Variants in DEUP1 observed in about 807,000 individuals in gnomAD.
DEUP1 encodes the protein deuterosome assembly protein 1, also known as coiled-coil domain containing 67.
A neutral mutation model predicts 87.4 loss-of-function variants in DEUP1; 82 were observed. That is an observed-to-expected ratio of 0.94 (90% CI 0.78 to 1.13). DEUP1 has a LOEUF of 1.13. DEUP1 is among the 50% of genes most tolerant of loss of function. DEUP1 has a pLI of 0.00. For synonymous variants in DEUP1, 214 were observed against 222.7 expected (o/e 0.96, Z 0.35); for missense variants, 663 against 681.5 (o/e 0.97, Z 0.30).
In DEUP1 at chr11:93,394,444, C is replaced by T; in HGVS notation, c.1042-15C>T. 2 of 1,519,026 alleles carry T rather than the reference C, an allele frequency of 1.3e-6. No individual in the cohort carries two copies. The highest frequency in any genetic ancestry group is 1.8e-6 in the Non-Finnish European group (2 of 1,134,994). 94.1% of individuals were successfully genotyped at this position (1,519,026 alleles called of 1,614,324 possible). On this transcript the variant is annotated splice_polypyrimidine_tract_variant and intron_variant, in intron 9 of 13. Coordinates refer to ENST00000298050, the MANE Select transcript of DEUP1 (RefSeq NM_181645.4). ...AAAAGGATTCAATAATATTTCCAGT[C>T]TCTATCTGCTGCAGATAAGAAGCCA...
At chr11:93,393,516 C>T (rs1053794864) in intron 9 of DEUP1, among the ~76,000 whole-genome samples, 4 of 152,004 alleles carry the variant, frequency 2.6e-5, no homozygotes, top group African/African-American at 9.7e-5. Flanking sequence ...TTCATTCATC[C>T]TTCAGTTTTG....
At chr11:93,377,369 C>G (rs1325089188) in intron 7 of DEUP1, among the ~76,000 whole-genome samples, 1 of 152,044 alleles carries the variant, frequency 6.6e-6, no homozygotes, top group Non-Finnish European at 1.5e-5. Flanking sequence ...TATATAATGT[C>G]CCTTTTTGCC....
Position 93,355,554 on chromosome 11 carries a change from A to C in DEUP1, c.201+12A>C, listed in dbSNP as rs753756340. 3 of 1,595,958 alleles carry C rather than the reference A, an allele frequency of 1.9e-6. No individual in the cohort carries two copies. Among genetic ancestry groups the C allele is most frequent in the South Asian group, 2.2e-5 (2 of 89,058 alleles). On this transcript the variant is annotated intron_variant, in intron 3 of 13. Coordinates refer to ENST00000298050, the MANE Select transcript of DEUP1 (RefSeq NM_181645.4). The stretch of plus-strand genomic sequence containing the variant: ...AGAAAGGTCAAGAGGTACTGAATAC[A>C]TATGTTAACAAATTGCTAATTCATC...
intron 7 of DEUP1, among the ~76,000 whole-genome samples, chr11:93,385,044 A>G (rs553095619): frequency 6.6e-6 from 1 of 152,320 alleles, no homozygotes; most frequent in East Asian, 1.9e-4. Context: ...CAACATGGTG[A>G]AACCCCATCT....
chr11:93,358,385 G>A (rs1944998509), intron 4 of DEUP1, among the ~76,000 whole-genome samples: 1 of 152,072 alleles, frequency 6.6e-6, no homozygotes, highest in African/African-American at 2.4e-5. Flanking sequence ...ATAAAAATTT[G>A]TTCTGTGGAA....
At chr11:93,433,098 T>A (rs1948149940) in intron 13 of DEUP1, among the ~76,000 whole-genome samples, 1 of 152,210 alleles carries the variant, frequency 6.6e-6, no homozygotes, top group African/African-American at 2.4e-5. Context: ...TTTACTTGAG[T>A]CTGTTTAAGT....
chr11:93,415,751 G>C (rs1357711416), intron 13 of DEUP1, among the ~76,000 whole-genome samples: 1 of 151,502 alleles, frequency 6.6e-6, no homozygotes, highest in Non-Finnish European at 1.5e-5. Flanking sequence ...TTTGTTTCTG[G>C]CTTCTTTTTC....
At chr11:93,342,241 G>C (rs1414517279) in intron 2 of DEUP1, among the ~76,000 whole-genome samples, 1 of 152,186 alleles carries the variant, frequency 6.6e-6, no homozygotes, top group African/African-American at 2.4e-5. Context: ...ACCACTGTGG[G>C]TGACTGAGTC....
intron 13 of DEUP1, among the ~76,000 whole-genome samples, chr11:93,427,779 G>GA (rs200410027): frequency 0.43 from 57,386 of 134,240 alleles, 13,061 homozygotes; most frequent in Admixed American, 0.56. Context: ...AAATTTACAA[G>GA]AAAAAAACAA....
At chr11:93,428,346 C>G (rs900749314) in intron 13 of DEUP1, among the ~76,000 whole-genome samples, 1 of 149,672 alleles carries the variant, frequency 6.7e-6, no homozygotes, top group Admixed American at 6.8e-5. Flanking sequence ...ATCTCAAGAA[C>G]AAAAAACCAA....
intron 2 of DEUP1, among the ~76,000 whole-genome samples, chr11:93,351,339 A>C (rs529101073): frequency 6.6e-6 from 1 of 152,170 alleles, no homozygotes; most frequent in African/African-American, 2.4e-5. Flanking sequence ...TTACATGCCA[A>C]AAGTTAGCAA....
intron 2 of DEUP1, among the ~76,000 whole-genome samples, chr11:93,334,745 A>C (rs1456210325): frequency 1.3e-5 from 2 of 152,162 alleles, no homozygotes; most frequent in Non-Finnish European, 2.9e-5. Flanking sequence ...GATTTCTTCC[A>C]ATTATAGGTG....
intron 5 of DEUP1, 118 bp downstream of exon 5, chr11:93,364,412 A>C: frequency 1.2e-6 from 1 of 830,094 alleles, no homozygotes. Context: ...ACACTATTAC[A>C]AACTAACTTC....
chr11:93,350,529 A>T (rs927569595), intron 2 of DEUP1, among the ~76,000 whole-genome samples: 12 of 152,208 alleles, frequency 7.9e-5, no homozygotes, highest in African/African-American at 2.9e-4. Flanking sequence ...ATATTGAAAA[A>T]CAGGTCACAA....
chr11:93,415,329 A>G (rs1947579211), intron 13 of DEUP1: 1 of 294,126 alleles, frequency 3.4e-6, no homozygotes, highest in South Asian at 6.7e-5. Context: ...GTCAATGATT[A>G]TTAACCTCTA....
At chr11:93,434,220 G>T (rs964539482) in intron 13 of DEUP1, among the ~76,000 whole-genome samples, 3 of 152,124 alleles carry the variant, frequency 2.0e-5, no homozygotes, top group Non-Finnish European at 4.4e-5. Flanking sequence ...CTGTTGAGAG[G>T]AAAGTTAGTG....
intron 12 of DEUP1, 46 bp from the exon 13 acceptor site, chr11:93,414,954 C>A: frequency 2.8e-6 from 3 of 1,056,198 alleles, no homozygotes; most frequent in Non-Finnish European, 4.0e-6. Flanking sequence ...CATAAATAAA[C>A]ATGTGTCCTT....
chr11:93,389,792 A>C (rs1946712239), intron 9 of DEUP1, among the ~76,000 whole-genome samples: 1 of 152,252 alleles, frequency 6.6e-6, no homozygotes, highest in African/African-American at 2.4e-5. Context: ...AAAATCTATG[A>C]GATAATGCAC....
chr11:93,360,571 AT>A (rs1203367090), intron 4 of DEUP1, among the ~76,000 whole-genome samples: 2 of 152,208 alleles, frequency 1.3e-5, no homozygotes, highest in African/African-American at 4.8e-5. Flanking sequence ...TAAATGAAAA[AT>A]TATAAAGCTT....
Sources: gnomAD v4.1 joint callset for allele counts (sites outside exome capture counted in the v4.1 genomes callset) on GRCh38, gnomAD v4.1.1 for gene constraint, MANE v1.5 for transcripts, NCBI Gene and HGNC (gene_info 2026-07-23, HGNC 2026-07-21) for gene names.